The following EYS variants were observed in gnomAD, a reference collection of about 807,000 sequenced individuals.
EYS encodes the protein EGF-like photoreceptor maintenance factor, also known as protein eyes shut homolog.
In EYS, 250 loss-of-function variants were observed where a neutral mutation model predicts 282.1. The ratio of observed to expected loss-of-function variants is 0.89; its 90% confidence interval spans 0.80 to 0.98. EYS has a LOEUF of 0.98. Ranked by LOEUF, EYS falls within the 50% of genes least tolerant of loss-of-function variation. The pLI is 0.00. For synonymous variants in EYS, 1,355 were observed against 1,282.9 expected (o/e 1.06, Z -1.20); for missense variants, 4,016 against 3,709.0 (o/e 1.08, Z -2.15).
intron 13 of EYS, among the ~76,000 whole-genome samples, chr6:65,055,008 G>T (rs1047677452): frequency 6.6e-6 from 1 of 151,910 alleles, no homozygotes; most frequent in Non-Finnish European, 1.5e-5. Flanking sequence ...TATAAATGGG[G>T]TCTCACTTTG....
intron 2 of EYS, among the ~76,000 whole-genome samples, chr6:65,612,733 T>A (rs1462979122): frequency 6.6e-6 from 1 of 150,798 alleles, no homozygotes; most frequent in South Asian, 2.1e-4. Flanking sequence ...TTATAGAATG[T>A]TATTAATCTT....
At chr6:65,289,548 C>T (rs557397783) in intron 12 of EYS, among the ~76,000 whole-genome samples, 34 of 151,178 alleles carry the variant, frequency 2.2e-4, no homozygotes, top group Non-Finnish European at 3.6e-4. Context: ...TACCCCCAGC[C>T]TGATATATAT....
chr6:64,421,860 GGTGTGTGT>G (rs58632994), intron 28 of EYS, among the ~76,000 whole-genome samples: 2 of 138,268 alleles, frequency 1.4e-5, no homozygotes, highest in African/African-American at 5.7e-5. Context: ...TTGTTTGGGG[GGTGTGTGT>G]GTGTGTGTGT....
intron 13 of EYS, among the ~76,000 whole-genome samples, chr6:64,998,852 TAAC>T (rs1561912075): frequency 6.6e-6 from 1 of 152,212 alleles, no homozygotes; most frequent in Non-Finnish European, 1.5e-5. Context: ...TCATCAATCA[TAAC>T]AATATTTAAA....
At chr6:64,385,836 T>C (rs1000338201) in intron 29 of EYS, among the ~76,000 whole-genome samples, 2 of 152,206 alleles carry the variant, frequency 1.3e-5, no homozygotes, top group African/African-American at 4.8e-5. Flanking sequence ...TGAACTTTTG[T>C]AACATTGGTG....
intron 12 of EYS, among the ~76,000 whole-genome samples, chr6:65,173,675 T>A (rs898849237): frequency 1.3e-5 from 2 of 151,142 alleles, no homozygotes; most frequent in Non-Finnish European, 3.0e-5. Context: ...CATTACTGAA[T>A]GTTGCCAACA....
At chr6:65,359,612 T>TTCC (rs1764621726) in intron 8 of EYS, among the ~76,000 whole-genome samples, 1 of 152,000 alleles carries the variant, frequency 6.6e-6, no homozygotes, top group African/African-American at 2.4e-5. Context: ...AGCATCTATA[T>TTCC]TCCCTGGTGA....
At chr6:64,232,040 C>T (rs184132495) in intron 30 of EYS, among the ~76,000 whole-genome samples, 12 of 152,016 alleles carry the variant, frequency 7.9e-5, no homozygotes, top group Admixed American at 5.9e-4. Flanking sequence ...CTACTACGCA[C>T]GTTAATGTCA....
At chr6:64,593,649 T>C (rs890522861) in intron 24 of EYS, among the ~76,000 whole-genome samples, 1 of 152,166 alleles carries the variant, frequency 6.6e-6, no homozygotes, top group Non-Finnish European at 1.5e-5. Flanking sequence ...AGAAGTCACA[T>C]TACAAATTAT....
At chr6:64,682,635 G>A (rs1275796280) in intron 22 of EYS, among the ~76,000 whole-genome samples, 1 of 152,142 alleles carries the variant, frequency 6.6e-6, no homozygotes, top group African/African-American at 2.4e-5. Context: ...CACCTTCCAA[G>A]GGTAAGGAGT....
At chr6:65,364,946 C>T (rs1157008592) in intron 8 of EYS, among the ~76,000 whole-genome samples, 1 of 151,610 alleles carries the variant, frequency 6.6e-6, no homozygotes, top group Admixed American at 6.7e-5. Context: ...ATTTTTGGTA[C>T]AATTGCATAA....
intron 31 of EYS, among the ~76,000 whole-genome samples, chr6:64,187,638 T>C (rs942304134): frequency 2.0e-5 from 3 of 152,056 alleles, no homozygotes; most frequent in African/African-American, 7.2e-5. Context: ...TAGTAAGAAA[T>C]AATCACACAT....
At chr6:64,611,156 T>G (rs1028094570) in intron 24 of EYS, among the ~76,000 whole-genome samples, 1 of 152,180 alleles carries the variant, frequency 6.6e-6, no homozygotes, top group African/African-American at 2.4e-5. Context: ...ACATTTTTTG[T>G]GTTTTTTTTG....
chr6:64,252,615 C>G (rs981608871), intron 30 of EYS, among the ~76,000 whole-genome samples: 1 of 152,158 alleles, frequency 6.6e-6, no homozygotes, highest in African/African-American at 2.4e-5. Flanking sequence ...GCTGGTTCTG[C>G]CTCTTGAGGA....
At position 64,875,570 on chromosome 6, in the gene EYS, A is replaced by G. The variant is rs76626225; in HGVS notation, c.2992+11127T>C. On this transcript the variant is annotated intron_variant, in intron 19 of 42. Transcript: ENST00000503581. ...TGCTCCCTCTTGAGGGTCTTTTTCT[A>G]TACATAGGAGCCATCCATGTATAGA... Among the ~76,000 whole-genome samples the G allele has an allele frequency of 6.9e-3, 1,045 of 152,110 alleles. 6 individuals carry two copies. Among genetic ancestry groups the G allele is most frequent in the African/African-American group, 0.024 (1,005 of 41,498 alleles).
At chr6:64,644,730 A>AGT (rs1431357021) in intron 22 of EYS, among the ~76,000 whole-genome samples, 2 of 152,184 alleles carry the variant, frequency 1.3e-5, no homozygotes, top group African/African-American at 4.8e-5. Context: ...ACCTGAATTG[A>AGT]TATAAATGTA....
intron 9 of EYS, among the ~76,000 whole-genome samples, chr6:65,348,901 G>A: frequency 6.6e-6 from 1 of 151,610 alleles, no homozygotes; most frequent in Non-Finnish European, 1.5e-5. Context: ...TATGGTGAGA[G>A]ATAGGGGTTT....
rs1187137401 is a variant in EYS at position 65,244,746 on chromosome 6, T to C, written c.2023+51117A>G. Among the ~76,000 whole-genome samples the C allele has an allele frequency of 7.9e-5, 12 of 151,452 alleles. No individual in the cohort carries two copies. In the East Asian group the frequency reaches 2.3e-3, roughly 30 times the overall value. On this transcript the variant is annotated intron_variant, in intron 12 of 42. Coordinates refer to ENST00000503581, the MANE Select transcript of EYS (RefSeq NM_001142800.2). ...ACCGTGTTAGCTAGGATGGTCTCTA[T>C]CTCCTGACCTGCTGATCCGCCCGCC...
At chr6:63,927,648 CTTAACT>C (rs1387833180) in intron 35 of EYS, among the ~76,000 whole-genome samples, 7 of 152,178 alleles carry the variant, frequency 4.6e-5, no homozygotes, top group Non-Finnish European at 8.8e-5. Flanking sequence ...TCAGTAACTC[CTTAACT>C]TTAACTCTGA....
Sources: gnomAD v4.1 joint callset for allele counts (sites outside exome capture counted in the v4.1 genomes callset) on GRCh38, gnomAD v4.1.1 for gene constraint, MANE v1.5 for transcripts, NCBI Gene and HGNC (gene_info 2026-07-23, HGNC 2026-07-21) for gene names.